LPAR6: variants seen among roughly 807,000 people sequenced by gnomAD.
The protein encoded by LPAR6 is lysophosphatidic acid receptor 6.
Under a neutral mutation model 22.0 loss-of-function variants are expected in LPAR6, and 17 were observed. That is an observed-to-expected ratio of 0.77 (90% CI 0.53 to 1.16). The LOEUF (loss-of-function observed/expected upper bound fraction) is 1.16. Among genes scored for constraint, LPAR6 ranks in the 50% most tolerant of loss-of-function variants. The pLI, the probability that LPAR6 is intolerant of heterozygous loss-of-function variation, is 0.00. For synonymous variants in LPAR6, 136 were observed against 139.8 expected (o/e 0.97, Z 0.19); for missense variants, 384 against 406.9 (o/e 0.94, Z 0.48).
chr13:48,407,085 T>C (rs1948746814), downstream of LPAR6, among the ~76,000 whole-genome samples: 1 of 152,226 alleles, frequency 6.6e-6, no homozygotes. Flanking sequence ...AGGACGATAA[T>C]GGAACCTAGC....
rs138982542 is a variant in LPAR6 at position 48,397,332 on chromosome 13, G to T, written n.115-7520C>A. Among the ~76,000 whole-genome samples the T allele has an allele frequency of 3.1e-3, 469 of 152,184 alleles. 2 individuals are homozygous for T. The highest frequency in any genetic ancestry group is 5.0e-3 in the Non-Finnish European group (338 of 67,990). ...TGCAGCCATAAAAAAGGATGAGTTC[G>T]TGTCCTTTGCAGGGACATGGATGAA... On this transcript the variant is annotated intron_variant and non_coding_transcript_variant, in intron 1 of 1. Transcript: ENST00000462781.
At chr13:48,431,817 A>G (rs910853844), upstream of LPAR6, among the ~76,000 whole-genome samples, 20 of 152,200 alleles carry the variant, frequency 1.3e-4, no homozygotes, top group African/African-American at 4.6e-4. Flanking sequence ...GGCCATATAA[A>G]TAGGAAATTA....
intron 1 of LPAR6, among the ~76,000 whole-genome samples, chr13:48,399,482 T>C (rs1177734190): frequency 6.6e-6 from 1 of 152,052 alleles, no homozygotes; most frequent in East Asian, 1.9e-4. Flanking sequence ...CACTGAAATG[T>C]AGCAAGGATA....
chr13:48,413,828 T>C (rs141618583), upstream of LPAR6, among the ~76,000 whole-genome samples: 1 of 152,318 alleles, frequency 6.6e-6, no homozygotes, highest in Non-Finnish European at 1.5e-5. Flanking sequence ...AAATTGCATC[T>C]TTTTAAGCAA....
At chr13:48,422,681 G>C (rs994855051) in exon 2 of LPAR6, 6 of 152,098 alleles carry the variant, frequency 3.9e-5, no homozygotes, top group African/African-American at 1.4e-4. Context: ...TGTGGTCCCA[G>C]CTGGTTGGGA....
At chr13:48,390,802 A>G (rs1205957299) in intron 1 of LPAR6, among the ~76,000 whole-genome samples, 1 of 152,212 alleles carries the variant, frequency 6.6e-6, no homozygotes, top group Admixed American at 6.5e-5. Flanking sequence ...CATTAATATC[A>G]ACATGGCATA....
chr13:48,437,875 A>AT (rs2138297349), intron 1 of LPAR6, among the ~76,000 whole-genome samples: 1 of 152,256 alleles, frequency 6.6e-6, no homozygotes, highest in East Asian at 1.9e-4. Context: ...AGTGTCAGAG[A>AT]TTATTGGGGT....
At chr13:48,430,411 C>A (rs1949117004), upstream of LPAR6, among the ~76,000 whole-genome samples, 1 of 152,008 alleles carries the variant, frequency 6.6e-6, no homozygotes, top group African/African-American at 2.4e-5. Flanking sequence ...AAAATGACTC[C>A]ATATAAGTTC....
chr13:48,400,576 C>G (rs1409779380), intron 1 of LPAR6, among the ~76,000 whole-genome samples: 1 of 152,102 alleles, frequency 6.6e-6, no homozygotes, highest in Non-Finnish European at 1.5e-5. Context: ...ATTAGCGGAT[C>G]TTACTTAATA....
upstream of LPAR6, among the ~76,000 whole-genome samples, chr13:48,413,765 C>G: frequency 6.6e-6 from 1 of 152,128 alleles, no homozygotes; most frequent in Non-Finnish European, 1.5e-5. Context: ...AGAACAAACT[C>G]AAGAATGTTT....
intron 2 of LPAR6, among the ~76,000 whole-genome samples, chr13:48,421,979 A>G (rs1353521405): frequency 6.6e-6 from 1 of 152,218 alleles, no homozygotes; most frequent in African/African-American, 2.4e-5. Flanking sequence ...AGGATCTAGA[A>G]CCAGAAATAC....
At chr13:48,430,963 C>T (rs1949124069), upstream of LPAR6, among the ~76,000 whole-genome samples, 1 of 151,926 alleles carries the variant, frequency 6.6e-6, no homozygotes, top group Non-Finnish European at 1.5e-5. Flanking sequence ...TAGAGGCTTT[C>T]TAAGTATTAT....
chr13:48,402,730 T>A (rs79977660), intron 1 of LPAR6, among the ~76,000 whole-genome samples: 2,801 of 152,204 alleles, frequency 0.018, 106 homozygotes, highest in African/African-American at 0.065. Flanking sequence ...TGCAGGTCCA[T>A]TTTTTCCCCT....
chr13:48,436,096 T>C (rs1269992159), intron 1 of LPAR6, among the ~76,000 whole-genome samples: 1 of 152,204 alleles, frequency 6.6e-6, no homozygotes, highest in Non-Finnish European at 1.5e-5. Context: ...TAACTGAGGA[T>C]AATTTTAAGA....
At chr13:48,401,924 T>C (rs971577880) in intron 1 of LPAR6, among the ~76,000 whole-genome samples, 2 of 152,226 alleles carry the variant, frequency 1.3e-5, no homozygotes, top group Non-Finnish European at 2.9e-5. Context: ...TCTTGCTATC[T>C]TTTAAGTCTG....
At chr13:48,424,274 G>T (rs1036358899) in intron 1 of LPAR6, among the ~76,000 whole-genome samples, 30 of 152,124 alleles carry the variant, frequency 2.0e-4, no homozygotes, top group Middle Eastern at 3.4e-3. Flanking sequence ...TAAGTCTATC[G>T]GTATCATTTC....
intron 2 of LPAR6, among the ~76,000 whole-genome samples, chr13:48,421,710 T>C (rs1949007581): frequency 6.6e-6 from 1 of 152,164 alleles, no homozygotes; most frequent in Admixed American, 6.5e-5. Context: ...GGGTGAAGGA[T>C]ATGAACTGAC....
chr13:48,405,683 C>T (rs970293828), intron 1 of LPAR6, among the ~76,000 whole-genome samples: 1 of 152,128 alleles, frequency 6.6e-6, no homozygotes, highest in Non-Finnish European at 1.5e-5. Flanking sequence ...TTTGTCAATA[C>T]CCAATATAAA....
chr13:48,393,140 C>T (rs1948623695), intron 1 of LPAR6, among the ~76,000 whole-genome samples: 1 of 152,186 alleles, frequency 6.6e-6, no homozygotes, highest in South Asian at 2.1e-4. Flanking sequence ...TGGAAGGATT[C>T]TACTCCTTCC....
Sources: allele counts gnomAD v4.1 joint callset (sites outside exome capture counted in the v4.1 genomes callset), GRCh38; gene constraint gnomAD v4.1.1; transcripts MANE v1.5; gene names NCBI Gene and HGNC (gene_info 2026-07-23, HGNC 2026-07-21).